SYNE2: variants seen among roughly 807,000 people sequenced by gnomAD.
SYNE2 encodes spectrin repeat containing nuclear envelope protein 2, also known as nesprin-2.
SYNE2 carries 431 observed loss-of-function variants against 856.3 expected under a neutral mutation model. The observed-to-expected ratio is 0.50, with a 90% confidence interval of 0.47 to 0.55. The LOEUF (loss-of-function observed/expected upper bound fraction) is 0.55, where lower values mean the gene tolerates loss of function less well. Among genes scored for constraint, SYNE2 ranks in the 20% least tolerant of loss-of-function variants. SYNE2 has a pLI of 0.00. For missense variants in SYNE2, 8,129 were observed against 8,023.2 expected, an observed-to-expected ratio of 1.01 and a Z score of -0.50; for synonymous variants, 2,923 against 2,872.3, an observed-to-expected ratio of 1.02 and a Z score of -0.56.
Position 64,210,352 on chromosome 14 carries a change from G to A in SYNE2, c.18723+228G>A, listed in dbSNP as rs368331536. On this transcript the variant is annotated intron_variant, in intron 103 of 115. Transcript: ENST00000555002. ...GGCAGGGCCTGTTGATGAGATTTGC[G>A]TTACCAACGCACAGCTCTTTTTACA... Among the ~76,000 whole-genome samples, 6 of 152,212 alleles carry A rather than the reference G, an allele frequency of 3.9e-5. 1 individual carries two copies. The highest frequency in any genetic ancestry group is 6.5e-5 in the Admixed American group (1 of 15,280).
rs762498365 is a variant in SYNE2, at chr14:64,167,583, A to G, written c.16849A>G (p.Lys5617Glu). The G allele has an allele frequency of 2.5e-6, 4 of 1,614,232 alleles. No homozygotes were observed. The highest frequency in any genetic ancestry group is 2.5e-6 in the Non-Finnish European group (3 of 1,180,036). ...TTTGGAGAAGATAGAAGAAGCACTCAAAGTGGATGTGGCTAACAGCCTTCC... is the reference window on the plus strand; with the variant it reads ...TTTGGAGAAGATAGAAGAAGCACTCGAAGTGGATGTGGCTAACAGCCTTCC... ...QLLEKIEEAL[K>E]VDVANSLPEL... The change falls in exon 92 of 116, where the codon AAA (lysine) becomes GAA (glutamate). Residue 5617 changes from lysine (K) to glutamate (E), a missense_variant. Coordinates refer to ENST00000555002, the MANE Select transcript of SYNE2 (RefSeq NM_182914.3).
At chr14:63,762,664 G>A (rs1886534386) in intron 1 of SYNE2, among the ~76,000 whole-genome samples, 1 of 149,890 alleles carries the variant, frequency 6.7e-6, no homozygotes, top group Non-Finnish European at 1.5e-5. Flanking sequence ...TCAAACTCCT[G>A]GGCTCAAACA....
intron 65 of SYNE2, among the ~76,000 whole-genome samples, chr14:64,110,414 T>C (rs776352195): frequency 1.3e-5 from 2 of 152,188 alleles, no homozygotes; most frequent in Non-Finnish European, 2.9e-5. Flanking sequence ...GACTTGTAGA[T>C]TCCAAAGTGT....
chr14:64,209,934 T>C lies in SYNE2; in HGVS notation c.18541-8T>C. 6.2e-7 allele frequency: 1 copy of C among 1,614,100 alleles called. No individual in the cohort carries two copies. Among genetic ancestry groups the C allele is most frequent in the Non-Finnish European group, 8.5e-7 (1 of 1,180,022 alleles). ...TGCTTTGGCTCTGACCCCTCCCATG[T>C]GATGCAGGCCTTTCAGCGGCAGATT... On this transcript the variant is annotated splice_region_variant and splice_polypyrimidine_tract_variant and intron_variant, in intron 102 of 115. Coordinates refer to ENST00000555002, the MANE Select transcript of SYNE2 (RefSeq NM_182914.3).
chr14:64,132,545 A>G, intron 77 of SYNE2, 107 bp downstream of exon 77: 6 of 1,429,592 alleles, frequency 4.2e-6, no homozygotes, highest in Non-Finnish European at 5.9e-6. Flanking sequence ...CTATAGTTAA[A>G]TGGAAGCCTG....
chr14:64,050,908 C>T (rs1329908788), intron 47 of SYNE2, among the ~76,000 whole-genome samples: 1 of 151,702 alleles, frequency 6.6e-6, no homozygotes, highest in Non-Finnish European at 1.5e-5. Flanking sequence ...GTTATTCTAG[C>T]TACTTGGGAG....
At chr14:64,031,384 G>T in intron 45 of SYNE2, 27 bp downstream of exon 45, 1 of 1,596,030 alleles carries the variant, frequency 6.3e-7, no homozygotes, top group South Asian at 1.1e-5. Context: ...GCACTTTCAA[G>T]ACAGTGAGTC....
At chr14:64,079,483 C>T (rs776214095) in intron 55 of SYNE2, among the ~76,000 whole-genome samples, 1 of 152,028 alleles carries the variant, frequency 6.6e-6, no homozygotes, top group Non-Finnish European at 1.5e-5. Flanking sequence ...AGCAGAGGAA[C>T]CTAATTTAAC....
chr14:64,116,940 A>G (rs1348764612), intron 66 of SYNE2, among the ~76,000 whole-genome samples: 1 of 152,252 alleles, frequency 6.6e-6, no homozygotes, highest in Non-Finnish European at 1.5e-5. Context: ...AACAGAGCAT[A>G]AAATTATGCT....
intron 112 of SYNE2, among the ~76,000 whole-genome samples, chr14:64,221,951 G>A (rs571752349): frequency 2.0e-5 from 3 of 152,236 alleles, no homozygotes; most frequent in East Asian, 3.9e-4. Context: ...AGGTGCTCTC[G>A]ATATCCTGAG....
rs140447896 is a variant in SYNE2, at chr14:63,828,013, C to A, written c.-304-24488C>A. Among the ~76,000 whole-genome samples the A allele has an allele frequency of 2.7e-4, 38 of 138,686 alleles. No homozygotes were observed. In the East Asian group the frequency reaches 7.5e-3, roughly 27 times the overall value. The allele number at this position is 138,686 out of a possible 152,430, so 91.0% of individuals were successfully genotyped here. A position where few individuals can be genotyped will look rare whatever the true frequency, so the allele number is the denominator to read the frequency against. ...TTTGAGACCAGCCTGGGCAACAAGGCGAGTCTTCGTCTTTCAAAAAAAAAA... is the reference window on the plus strand; with the variant it reads ...TTTGAGACCAGCCTGGGCAACAAGGAGAGTCTTCGTCTTTCAAAAAAAAAA... On this transcript the variant is annotated intron_variant, in intron 1 of 23. Transcript: ENST00000674003.
intron 1 of SYNE2, among the ~76,000 whole-genome samples, chr14:63,784,065 G>T (rs761005955): frequency 3.9e-5 from 6 of 152,168 alleles, no homozygotes; most frequent in Non-Finnish European, 8.8e-5. Context: ...GTGCATATAT[G>T]TGCATGCATG....
At chr14:64,142,120 A>G (rs754331376) in intron 82 of SYNE2, 32 bp downstream of exon 82, 3 of 1,613,372 alleles carry the variant, frequency 1.9e-6, no homozygotes, top group South Asian at 2.2e-5. Flanking sequence ...AAGTCTTTTC[A>G]TTGAAACAAG....
At chr14:64,118,213 A>G (rs1416067803) in intron 66 of SYNE2, among the ~76,000 whole-genome samples, 1 of 152,214 alleles carries the variant, frequency 6.6e-6, no homozygotes, top group African/African-American at 2.4e-5. Flanking sequence ...TGGTGCTGGA[A>G]TGTGAGTTTG....
intron 84 of SYNE2, among the ~76,000 whole-genome samples, chr14:64,150,483 A>G (rs1826593981): frequency 6.6e-6 from 1 of 151,878 alleles, no homozygotes; most frequent in African/African-American, 2.4e-5. Flanking sequence ...GGCCTCCCAA[A>G]GTGCTGGGAT....
At chr14:63,771,016 C>T (rs1886878936) in intron 1 of SYNE2, among the ~76,000 whole-genome samples, 2 of 149,476 alleles carry the variant, frequency 1.3e-5, no homozygotes, top group South Asian at 2.1e-4. Flanking sequence ...TAAAATCAGT[C>T]AATTTTTGAT....
chr14:63,792,581 A>C (rs1401517599), intron 1 of SYNE2, among the ~76,000 whole-genome samples: 1 of 152,150 alleles, frequency 6.6e-6, no homozygotes, highest in Non-Finnish European at 1.5e-5. Flanking sequence ...TGGAATAACT[A>C]TATTTATATC....
chr14:63,901,751 C>T (rs150107394), intron 1 of SYNE2, among the ~76,000 whole-genome samples: 3 of 152,262 alleles, frequency 2.0e-5, no homozygotes, highest in South Asian at 2.1e-4. Flanking sequence ...TAGGGAGACC[C>T]TGCCTCTACA....
chr14:64,021,428 C>G lies in SYNE2; in HGVS notation c.5265C>G (p.Asp1755Glu), dbSNP rs1425713585. 23 of 1,614,152 alleles carry G rather than the reference C, an allele frequency of 1.4e-5. No individual in the cohort carries two copies. The highest frequency in any genetic ancestry group is 1.9e-5 in the Non-Finnish European group (22 of 1,180,026). Residue 1755 changes from aspartate (D) to glutamate (E), a missense_variant, in exon 36 of 116, where the codon GAC becomes GAG. Around this residue, in one of 3 missense-constraint regions of SYNE2, gnomAD observed 2,422 missense variants for 2,357.4 expected, o/e 1.03. Transcript: ENST00000555002. ...GSTAELREDL[D>E]QAKTQIGMTE... ...CTGCTGAGCTAAGGGAGGATCTCGA[C>G]CAAGCCAAGACCCAGATCGGGATGA...
Sources: allele counts gnomAD v4.1 joint callset (sites outside exome capture counted in the v4.1 genomes callset), GRCh38; gene constraint gnomAD v4.1.1; regional missense constraint gnomAD v4.1.1; transcripts MANE v1.5; gene names NCBI Gene and HGNC (gene_info 2026-07-23, HGNC 2026-07-21).